Variants in STK3 observed in about 807,000 individuals in gnomAD.
STK3 encodes serine/threonine kinase 3.
STK3 carries 41 observed loss-of-function variants against 58.0 expected under a neutral mutation model. The observed-to-expected ratio is 0.71, with a 90% CI of 0.55 to 0.92. The LOEUF is 0.92. STK3 is among the 40% of genes least tolerant of loss of function. The probability of loss-of-function intolerance (pLI) is 0.00; values close to 1 mark genes in which losing one functional copy is unlikely to be tolerated. For missense variants in STK3, 479 were observed against 602.7 expected (o/e 0.79, Z 2.15); for synonymous variants, 170 against 191.0 (o/e 0.89, Z 0.91).
At chr8:98,352,973 A>C in the STK3 span, among the ~76,000 whole-genome samples, 2 of 152,188 alleles carry the variant, frequency 1.3e-5, no homozygotes, top group East Asian at 3.9e-4. Flanking sequence ...TGCATGAATA[A>C]GTGTGGGAAA....
chr8:98,452,515 C>T (rs1208537647), downstream of STK3, among the ~76,000 whole-genome samples: 1 of 152,112 alleles, frequency 6.6e-6, no homozygotes, highest in Non-Finnish European at 1.5e-5. Context: ...TTATCATCTA[C>T]AGGACAATAT....
chr8:98,779,325 T>C (rs1183208282), intron 1 of STK3, among the ~76,000 whole-genome samples: 1 of 152,236 alleles, frequency 6.6e-6, no homozygotes, highest in Non-Finnish European at 1.5e-5. Flanking sequence ...GTATTAATGT[T>C]ATGCCATATT....
intron 1 of STK3, among the ~76,000 whole-genome samples, chr8:98,382,715 T>C (rs1392165199): frequency 6.6e-6 from 1 of 152,046 alleles, no homozygotes; most frequent in Non-Finnish European, 1.5e-5. Context: ...GCCTGACAGC[T>C]CATCACATTC....
intron 1 of STK3, among the ~76,000 whole-genome samples, chr8:98,387,677 G>GAATC (rs1817803421): frequency 2.7e-4 from 41 of 152,306 alleles, no homozygotes; most frequent in Admixed American, 2.6e-3. Context: ...GAACCTGGGA[G>GAATC]GCAGAGGTTG....
intron 3 of STK3, among the ~76,000 whole-genome samples, chr8:98,433,009 C>G (rs1255363811): frequency 1.3e-5 from 2 of 152,130 alleles, no homozygotes; most frequent in Non-Finnish European, 2.9e-5. Context: ...TATGCAGTAG[C>G]AAACAAGGAG....
At chr8:98,612,253 T>G (rs1303940464) in intron 6 of STK3, among the ~76,000 whole-genome samples, 1 of 150,536 alleles carries the variant, frequency 6.6e-6, no homozygotes, top group Non-Finnish European at 1.5e-5. Context: ...ACATTATGAA[T>G]AAACAAGCAT....
intron 9 of STK3, among the ~76,000 whole-genome samples, chr8:98,527,324 TAAG>T (rs1293340023): frequency 1.3e-5 from 2 of 152,142 alleles, no homozygotes; most frequent in Non-Finnish European, 2.9e-5. Context: ...TTTTCAGCTG[TAAG>T]AAATTATGAG....
At position 98,553,956 on chromosome 8, in the gene STK3, GA is replaced by G. The variant is rs759338338; in HGVS notation, c.949-5796del. Reference sequence around the variant, plus strand: ...ACAGAGTGAGACTCCATCCCAAAGGGAAAAAAAAAAAAAGTCTCTTATTAAC... The same window carrying G: ...ACAGAGTGAGACTCCATCCCAAAGGGAAAAAAAAAAAAGTCTCTTATTAAC... On this transcript the variant is annotated intron_variant, in intron 8 of 10. Coordinates refer to ENST00000419617, the MANE Select transcript of STK3 (RefSeq NM_006281.4). Among the ~76,000 whole-genome samples, 215 of 140,218 alleles carry G rather than the reference GA, an allele frequency of 1.5e-3. 1 individual carries two copies. Among genetic ancestry groups the G allele is most frequent in the Middle Eastern group, 3.6e-3 (1 of 278 alleles). The allele number at this position is 140,218 out of a possible 152,430, so 92.0% of individuals were successfully genotyped here. A position where few individuals can be genotyped will look rare whatever the true frequency, so the allele number is the denominator to read the frequency against.
intron 10 of STK3, among the ~76,000 whole-genome samples, chr8:98,458,950 A>G (rs553500140): frequency 5.4e-4 from 82 of 151,788 alleles, no homozygotes; most frequent in Non-Finnish European, 9.7e-4. Context: ...AACACAGTTA[A>G]CTGGCACTGA....
chr8:98,641,412 T>G (rs905151483), intron 6 of STK3, among the ~76,000 whole-genome samples: 3 of 152,218 alleles, frequency 2.0e-5, no homozygotes, highest in Non-Finnish European at 4.4e-5. Context: ...TGAACCAATA[T>G]AGTGCCAAAA....
chr8:98,764,722 G>A (rs1407306314), intron 3 of STK3, among the ~76,000 whole-genome samples: 2 of 152,206 alleles, frequency 1.3e-5, no homozygotes, highest in African/African-American at 2.4e-5. Context: ...TAACCATTAT[G>A]TGGCAGGATC....
At position 98,782,496 on chromosome 8, in the gene STK3, T is replaced by C. The variant is rs142926090; in HGVS notation, c.27-7677A>G. 1.0e-3 allele frequency: 294 copies of C among 281,536 alleles called. 1 individual carries two copies. Among genetic ancestry groups the C allele is most frequent in the African/African-American group, 6.2e-3 (273 of 44,106 alleles). 17.4% of individuals were successfully genotyped at this position (281,536 alleles called of 1,614,324 possible). ...GCTGAAGGCACACAGACCCACAAGA[T>C]GCTCCTGGCTGACCAGGCAGAGGCC... On this transcript the variant is annotated intron_variant, in intron 1 of 10. Coordinates refer to ENST00000419617, the MANE Select transcript of STK3 (RefSeq NM_006281.4).
At chr8:98,856,892 G>A (rs1836705142) in intron 3 of STK3, among the ~76,000 whole-genome samples, 1 of 152,138 alleles carries the variant, frequency 6.6e-6, no homozygotes. Flanking sequence ...ACAAAGTACT[G>A]ATATACTGCC....
the STK3 span, among the ~76,000 whole-genome samples, chr8:98,344,892 CAAAAAAAAAAAAA>C: frequency 1.7e-4 from 8 of 47,402 alleles, no homozygotes; most frequent in South Asian, 2.4e-3. Context: ...GACTCCGTCT[CAAAAAAAAAAAAA>C]AAAAAAAAAA....
intron 10 of STK3, among the ~76,000 whole-genome samples, chr8:98,489,267 C>T (rs10955178): frequency 0.42 from 64,383 of 151,734 alleles, 13,874 homozygotes; most frequent in Admixed American, 0.54. Flanking sequence ...AAGCTCCCAA[C>T]ACATATGGTG....
chr8:98,647,526 A>G (rs571174532), intron 6 of STK3, among the ~76,000 whole-genome samples: 1 of 152,338 alleles, frequency 6.6e-6, no homozygotes, highest in East Asian at 1.9e-4. Context: ...ATCTTAAAAT[A>G]CAATAAATAT....
chr8:98,899,643 C>T (rs1838582721), intron 1 of STK3, among the ~76,000 whole-genome samples: 1 of 152,078 alleles, frequency 6.6e-6, no homozygotes, highest in Non-Finnish European at 1.5e-5. Flanking sequence ...ATGGGGAGTC[C>T]TGGGACCAAT....
intron 9 of STK3, among the ~76,000 whole-genome samples, chr8:98,544,649 AACACACACACACACACACACACACACAC>A (rs59159370): frequency 1.5e-5 from 2 of 137,522 alleles, no homozygotes; most frequent in African/African-American, 2.7e-5. Context: ...ATTCTACTAT[AACACACACACACACACACACACACACAC>A]ACACACACAC....
downstream of STK3, chr8:98,883,497 T>C (rs1272758991): frequency 5.2e-6 from 3 of 580,630 alleles, no homozygotes; most frequent in Non-Finnish European, 9.2e-6. Context: ...CACTCTTCTG[T>C]ATTACTGAAG....
Sources: gnomAD v4.1 joint callset for allele counts (sites outside exome capture counted in the v4.1 genomes callset) on GRCh38, gnomAD v4.1.1 for gene constraint, MANE v1.5 for transcripts, NCBI Gene and HGNC (gene_info 2026-07-23, HGNC 2026-07-21) for gene names.